The following ABCB1 variants were observed in gnomAD, a reference collection of about 807,000 sequenced individuals.
The protein encoded by ABCB1 is ATP-dependent translocase ABCB1.
Under a neutral mutation model 142.0 loss-of-function variants are expected in ABCB1, and 69 were observed. The ratio of observed to expected loss-of-function variants is 0.49; its 90% CI spans 0.40 to 0.59. The LOEUF is 0.59. Among genes scored for constraint, ABCB1 ranks in the 20% least tolerant of loss-of-function variants. The pLI, the probability that ABCB1 is intolerant of heterozygous loss-of-function variation, is 0.00. For synonymous variants in ABCB1, 532 were observed against 539.2 expected, an observed-to-expected ratio of 0.99 and a Z score of 0.18; for missense variants, 1,326 against 1,554.7, an observed-to-expected ratio of 0.85 and a Z score of 2.47.
intron 2 of ABCB1, 77 bp from the exon 3 acceptor site, chr7:87,595,891 T>C (rs1819186408): frequency 5.2e-6 from 6 of 1,148,326 alleles, no homozygotes; most frequent in South Asian, 5.1e-5. Flanking sequence ...ACATAGAATG[T>C]ATATTTAATG....
chr7:87,593,468 T>G (rs1563067519), intron 3 of ABCB1, among the ~76,000 whole-genome samples: 2 of 152,246 alleles, frequency 1.3e-5, no homozygotes, highest in Non-Finnish European at 2.9e-5. Flanking sequence ...AGACATTGTG[T>G]GCAGACAAGA....
At chr7:87,628,578 TGC>T in intron 1 of ABCB1, 1 of 299,326 alleles carries the variant, frequency 3.3e-6, no homozygotes, top group Non-Finnish European at 5.7e-6. Flanking sequence ...AGGTGGTGCG[TGC>T]GTGCGTGTGT....
At chr7:87,504,612 TG>T (rs1563023922) in intron 27 of ABCB1, among the ~76,000 whole-genome samples, 163 bp from the exon 28 acceptor site, 1 of 152,144 alleles carries the variant, frequency 6.6e-6, no homozygotes, top group Non-Finnish European at 1.5e-5. Context: ...GAGACCATCC[TG>T]GCTAACACGG....
chr7:87,571,482 G>A (rs1818054180), intron 4 of ABCB1, among the ~76,000 whole-genome samples: 1 of 152,200 alleles, frequency 6.6e-6, no homozygotes, highest in African/African-American at 2.4e-5. Context: ...TGTAGGGAAA[G>A]AGAGTCTAAA....
intron 8 of ABCB1, among the ~76,000 whole-genome samples, chr7:87,558,426 AC>A (rs1817401007): frequency 6.6e-6 from 1 of 152,094 alleles, no homozygotes; most frequent in Non-Finnish European, 1.5e-5. Flanking sequence ...AGCTTATAAA[AC>A]CTACTGGAAT....
intron 21 of ABCB1, among the ~76,000 whole-genome samples, chr7:87,528,916 C>A (rs1338801093): frequency 2.0e-5 from 3 of 152,186 alleles, no homozygotes; most frequent in African/African-American, 7.2e-5. Context: ...AGAATGCCCA[C>A]TGGGCCAGGG....
chr7:87,689,734 A>G (rs1208991414), intron 1 of ABCB1, among the ~76,000 whole-genome samples: 1 of 152,070 alleles, frequency 6.6e-6, no homozygotes, highest in Admixed American at 6.6e-5. Context: ...TTCTAATTTC[A>G]ATGAGTTGTC....
At chr7:87,602,240 G>A (rs529881236), upstream of ABCB1, among the ~76,000 whole-genome samples, 12 of 150,046 alleles carry the variant, frequency 8.0e-5, no homozygotes, top group Admixed American at 2.7e-4. Context: ...TGATCCGCCC[G>A]CCTCGGCCTC....
intron 20 of ABCB1, 78 bp downstream of exon 20, chr7:87,536,380 C>T (rs1816292703): frequency 8.5e-6 from 11 of 1,289,202 alleles, no homozygotes; most frequent in Admixed American, 1.7e-5. Context: ...AACTAACACC[C>T]GTAAGGAGAA....
intron 1 of ABCB1, among the ~76,000 whole-genome samples, chr7:87,656,274 TA>T (rs1361425870): frequency 1.3e-5 from 2 of 151,924 alleles, no homozygotes; most frequent in African/African-American, 4.8e-5. Flanking sequence ...AAATAATTTT[TA>T]AAAAGAAAAA....
At position 87,566,944 on chromosome 7, in the gene ABCB1, C is replaced by T; in HGVS notation, c.371G>A (p.Gly124Glu). The part of the protein sequence containing the change: ...YAYYYSGIGA[G>E]VLVAAYIQVS... ...CTGAATGTAAGCAGCAACCAGCACC[C>T]CAGCACCAATTCCACTGTAATAATA... The change falls in exon 6 of 28, where the codon GGG becomes GAG. Residue 124 changes from glycine (G) to glutamate (E), a missense_variant. Gly to Glu is a moderately conservative substitution (Grantham distance 98). Transcript: ENST00000622132. The T allele has an allele frequency of 6.2e-7, 1 of 1,614,120 alleles. No homozygotes were observed. Among genetic ancestry groups the T allele is most frequent in the Non-Finnish European group, 8.5e-7 (1 of 1,180,000 alleles).
intron 21 of ABCB1, among the ~76,000 whole-genome samples, chr7:87,527,796 G>A (rs140896227): frequency 1.7e-3 from 259 of 152,272 alleles, no homozygotes; most frequent in African/African-American, 6.0e-3. Context: ...GCAACAGGAA[G>A]TGGCTACAAA....
intron 5 of ABCB1, among the ~76,000 whole-genome samples, chr7:87,568,924 A>G (rs1169430158): frequency 6.6e-6 from 1 of 152,254 alleles, no homozygotes; most frequent in African/African-American, 2.4e-5. Context: ...ACTCAAAAGC[A>G]TGTACATGAT....
rs78903144 is a variant in ABCB1 at position 87,526,720 on chromosome 7, C to A, written c.2685+4574G>T. On this transcript the variant is annotated intron_variant, in intron 21 of 27. Transcript: ENST00000622132. ...TCTAAGTACTTTCTGACTTCAAGAA[C>A]AAAGAAAGCATCAATGTAACCAATC... Among the ~76,000 whole-genome samples, 1,436 of 152,170 alleles carry A rather than the reference C, an allele frequency of 9.4e-3. 21 individuals are homozygous for A. The highest frequency in any genetic ancestry group is 0.032 in the African/African-American group (1,338 of 41,528).
chr7:87,696,418 A>C (rs540034959), intron 1 of ABCB1, among the ~76,000 whole-genome samples: 2 of 152,204 alleles, frequency 1.3e-5, no homozygotes, highest in African/African-American at 4.8e-5. Context: ...ATCTGTATTT[A>C]CATAAAAGTG....
chr7:87,666,056 A>T (rs949649784), intron 1 of ABCB1, among the ~76,000 whole-genome samples: 2 of 152,220 alleles, frequency 1.3e-5, no homozygotes, highest in Non-Finnish European at 2.9e-5. Context: ...AGGAATTGCC[A>T]TACTGTCTTC....
chr7:87,669,761 T>TA (rs1257662832), intron 1 of ABCB1, among the ~76,000 whole-genome samples: 1 of 152,228 alleles, frequency 6.6e-6, no homozygotes, highest in Non-Finnish European at 1.5e-5. Context: ...AATTCTTGGT[T>TA]GAAGATTTTT....
At chr7:87,675,134 G>T (rs1826197302) in intron 1 of ABCB1, among the ~76,000 whole-genome samples, 1 of 152,202 alleles carries the variant, frequency 6.6e-6, no homozygotes, top group Non-Finnish European at 1.5e-5. Flanking sequence ...CCCAGAAGAT[G>T]CTGGGGGCTA....
rs1391697654 is a variant in ABCB1 at position 87,544,942 on chromosome 7, C to T, written c.1945G>A (p.Asp649Asn). 6.2e-7 allele frequency: 1 copy of T among 1,614,094 alleles called. No individual in the cohort carries two copies. The highest frequency in any genetic ancestry group is 8.5e-7 in the Non-Finnish European group (1 of 1,179,990). The change falls in exon 16 of 28, where the codon GAT (aspartate) becomes AAT (asparagine). Residue 649 changes from aspartate to asparagine, a missense_variant. Coordinates refer to ENST00000622132, the MANE Select transcript of ABCB1 (RefSeq NM_001348946.2). The stretch of plus-strand genomic sequence containing the variant: ...TCATTTGAAGACATTTCCAAGGCAT[C>T]AATTTCACTTTTGGATTCATCAGCT... Reference protein sequence around the residue: ...NAADESKSEIDALEMSSNDSR... With the variant: ...NAADESKSEINALEMSSNDSR...
Sources: gnomAD v4.1 joint callset for allele counts (sites outside exome capture counted in the v4.1 genomes callset) on GRCh38, gnomAD v4.1.1 for gene constraint, MANE v1.5 for transcripts, NCBI Gene and HGNC (gene_info 2026-07-23, HGNC 2026-07-21) for gene names.